Variants in SPAG17 observed in about 807,000 individuals in gnomAD.
SPAG17 encodes the protein sperm-associated antigen 17.
In SPAG17, 169 loss-of-function variants were observed where a neutral mutation model predicts 273.6. The ratio of observed to expected loss-of-function variants is 0.62; its 90% CI spans 0.55 to 0.70. SPAG17 has a LOEUF of 0.70. SPAG17 is among the 30% of genes least tolerant of loss of function. The probability of loss-of-function intolerance (pLI) is 0.00; values close to 1 mark genes in which losing one functional copy is unlikely to be tolerated. For missense variants in SPAG17, 2,557 were observed against 2,627.8 expected (o/e 0.97, Z 0.59); for synonymous variants, 825 against 873.2 (o/e 0.94, Z 0.97).
intron 3 of SPAG17, among the ~76,000 whole-genome samples, chr1:118,120,773 T>G (rs542939545): frequency 7.2e-5 from 11 of 152,282 alleles, no homozygotes; most frequent in South Asian, 2.1e-4. Context: ...GTTACACCCC[T>G]CCCACTTCTA....
intron 7 of SPAG17, 84 bp from the exon 8 acceptor site, chr1:118,093,401 A>G (rs1488444687): frequency 7.4e-7 from 1 of 1,343,700 alleles, no homozygotes; most frequent in Non-Finnish European, 1.0e-6. Context: ...CTTAACAGTT[A>G]TGCCCATCAA....
intron 43 of SPAG17, among the ~76,000 whole-genome samples, chr1:117,979,831 C>A (rs936778544): frequency 3.9e-5 from 6 of 152,164 alleles, no homozygotes; most frequent in Admixed American, 2.0e-4. Context: ...GCAGGGCTGA[C>A]TCCTTCTTAT....
chr1:117,986,184 C>T (rs1020853355), intron 40 of SPAG17, among the ~76,000 whole-genome samples: 1 of 152,276 alleles, frequency 6.6e-6, no homozygotes, highest in Middle Eastern at 3.4e-3. Context: ...CTTACTTAAA[C>T]AACTTTCACT....
chr1:118,026,050 C>G (rs1647711197), intron 26 of SPAG17, among the ~76,000 whole-genome samples: 1 of 152,192 alleles, frequency 6.6e-6, no homozygotes, highest in Non-Finnish European at 1.5e-5. Flanking sequence ...TGGTGCCTAT[C>G]TCTCATCTTT....
chr1:118,112,119 A>G (rs1345017375), intron 4 of SPAG17, among the ~76,000 whole-genome samples: 2 of 151,840 alleles, frequency 1.3e-5, no homozygotes, highest in Non-Finnish European at 2.9e-5. Context: ...CTTTTTTTTC[A>G]TTTTTTTAAT....
chr1:118,014,739 C>T (rs149306077), intron 29 of SPAG17, among the ~76,000 whole-genome samples: 4 of 152,254 alleles, frequency 2.6e-5, no homozygotes, highest in East Asian at 3.9e-4. Flanking sequence ...CACTTAGGAA[C>T]GTCTTCATTT....
At chr1:118,006,716 G>A (rs1299826246) in intron 31 of SPAG17, among the ~76,000 whole-genome samples, 1 of 152,144 alleles carries the variant, frequency 6.6e-6, no homozygotes, top group Non-Finnish European at 1.5e-5. Flanking sequence ...TTTCCAAAGT[G>A]ACTTATACCA....
At chr1:118,086,638 C>T (rs762175829) in intron 12 of SPAG17, 33 bp downstream of exon 12, 56 of 1,567,696 alleles carry the variant, frequency 3.6e-5, no homozygotes, top group Admixed American at 2.6e-4. Flanking sequence ...TTTCCCACAT[C>T]GGTTTTCCTT....
At chr1:118,037,023 T>C (rs1649164684) in intron 23 of SPAG17, 140 bp from the exon 24 acceptor site, 2 of 615,558 alleles carry the variant, frequency 3.2e-6, no homozygotes, top group African/African-American at 1.9e-5. Context: ...AGCTTGACCA[T>C]GCACTCAGGG....
chr1:117,967,175 A>G (rs1018501371), intron 46 of SPAG17, among the ~76,000 whole-genome samples: 2 of 151,810 alleles, frequency 1.3e-5, no homozygotes, highest in Non-Finnish European at 2.9e-5. Context: ...ATAAATCAGG[A>G]GGCTGAGGCA....
At chr1:118,054,309 C>A (rs1359565818) in intron 19 of SPAG17, among the ~76,000 whole-genome samples, 1 of 151,954 alleles carries the variant, frequency 6.6e-6, no homozygotes, top group Non-Finnish European at 1.5e-5. Flanking sequence ...ACAGTGCATT[C>A]CATTCTCAGT....
chr1:118,085,280 T>G (rs1217172172), intron 13 of SPAG17, among the ~76,000 whole-genome samples: 2 of 152,190 alleles, frequency 1.3e-5, no homozygotes, highest in Non-Finnish European at 2.9e-5. Flanking sequence ...CTGGAACCTG[T>G]GTTTTATTGA....
rs2102215429 is a variant in SPAG17, at chr1:118,099,803, G to A, written c.635-3C>T. 6.2e-7 allele frequency: 1 copy of A among 1,610,064 alleles called. No individual in the cohort carries two copies. The highest frequency in any genetic ancestry group is 8.5e-7 in the Non-Finnish European group (1 of 1,178,484). ...GGCACCATCATCTGGCTCATCGTCT[G>A]TTCAAAATACCATAAAGAAGAGCAG... is the stretch of plus-strand genomic sequence containing the variant. On this transcript the variant is annotated splice_polypyrimidine_tract_variant and splice_region_variant and intron_variant, in intron 5 of 48. Coordinates refer to ENST00000336338, the MANE Select transcript of SPAG17 (RefSeq NM_206996.4).
intron 4 of SPAG17, among the ~76,000 whole-genome samples, chr1:118,114,265 T>C (rs1404304327): frequency 1.3e-5 from 2 of 152,142 alleles, no homozygotes; most frequent in African/African-American, 4.8e-5. Context: ...TTAATATGAA[T>C]AGAATTTTTC....
intron 1 of SPAG17, among the ~76,000 whole-genome samples, chr1:118,162,666 A>C (rs1034495048): frequency 3.3e-5 from 5 of 152,214 alleles, no homozygotes; most frequent in Non-Finnish European, 7.4e-5. Context: ...GTGGGTACCT[A>C]CGTTGCATGT....
chr1:117,988,292 G>T (rs1286011425), intron 38 of SPAG17, 88 bp from the exon 39 acceptor site: 9 of 890,982 alleles, frequency 1.0e-5, no homozygotes, highest in Non-Finnish European at 1.2e-5. Flanking sequence ...TGAGATGCCT[G>T]TTAAGAGCCT....
At chr1:118,127,034 T>C (rs1273601271) in intron 3 of SPAG17, among the ~76,000 whole-genome samples, 2 of 152,178 alleles carry the variant, frequency 1.3e-5, no homozygotes, top group Admixed American at 6.5e-5. Context: ...TTCTGTTCCA[T>C]TGGTCTGTGT....
At chr1:118,160,440 C>G (rs1266368781) in intron 1 of SPAG17, among the ~76,000 whole-genome samples, 3 of 152,196 alleles carry the variant, frequency 2.0e-5, no homozygotes, top group Non-Finnish European at 4.4e-5. Context: ...TAGGGCTACC[C>G]AGAAGAAACA....
chr1:118,018,081 G>C (rs1217024027), intron 28 of SPAG17, among the ~76,000 whole-genome samples: 1 of 152,196 alleles, frequency 6.6e-6, no homozygotes, highest in Non-Finnish European at 1.5e-5. Flanking sequence ...AAGCCAAAGA[G>C]GTAAAATAGC....
Sources: allele counts gnomAD v4.1 joint callset (sites outside exome capture counted in the v4.1 genomes callset), GRCh38; gene constraint gnomAD v4.1.1; transcripts MANE v1.5; gene names NCBI Gene and HGNC (gene_info 2026-07-23, HGNC 2026-07-21).